TMEM117: variants seen among roughly 807,000 people sequenced by gnomAD.
The protein encoded by TMEM117 is transmembrane protein 117.
TMEM117 carries 27 observed loss-of-function variants against 52.4 expected under a neutral mutation model. That is an observed-to-expected ratio of 0.51 (90% CI 0.38 to 0.71). The LOEUF is 0.71. Ranked by LOEUF, TMEM117 falls within the 30% of genes least tolerant of loss-of-function variation. TMEM117 has a pLI of 0.00. For synonymous variants in TMEM117, 215 were observed against 206.3 expected, an observed-to-expected ratio of 1.04 and a Z score of -0.36; for missense variants, 556 against 630.5, an observed-to-expected ratio of 0.88 and a Z score of 1.26.
At chr12:44,334,882 A>G (rs538283194) in intron 6 of TMEM117, among the ~76,000 whole-genome samples, 1 of 152,072 alleles carries the variant, frequency 6.6e-6, no homozygotes, top group Non-Finnish European at 1.5e-5. Context: ...CTGAAAAAGT[A>G]TATAGAATGG....
At chr12:43,815,214 A>G in the TMEM117 span, among the ~76,000 whole-genome samples, 1 of 152,236 alleles carries the variant, frequency 6.6e-6, no homozygotes, top group Non-Finnish European at 1.5e-5. Context: ...CTCCTAGTCA[A>G]TGTTAAGTAA....
rs201035012 is a variant in TMEM117 at position 44,202,984 on chromosome 12, A to AG, written c.511-8303dup. On this transcript the variant is annotated intron_variant, in intron 4 of 7. Transcript: ENST00000266534. Reference sequence around the variant, plus strand: ...TCTTTTTCATATTTTTAGTAGAGACAGGGTTTTGGTATGTTGGCTACGCTT... The same window carrying AG: ...TCTTTTTCATATTTTTAGTAGAGACAGGGGTTTTGGTATGTTGGCTACGCTT... Among the ~76,000 whole-genome samples the AG allele has an allele frequency of 1.9e-3, 292 of 151,928 alleles. 7 individuals carry two copies. The East Asian group carries it at 0.035, about 18-fold the overall frequency.
chr12:44,124,887 G>T (rs1176008306), intron 3 of TMEM117, among the ~76,000 whole-genome samples: 1 of 152,110 alleles, frequency 6.6e-6, no homozygotes, highest in Non-Finnish European at 1.5e-5. Context: ...TCTCTGCCAG[G>T]TTTTGATATC....
At chr12:44,258,667 T>C (rs975429729) in intron 5 of TMEM117, among the ~76,000 whole-genome samples, 3 of 152,294 alleles carry the variant, frequency 2.0e-5, no homozygotes, top group Admixed American at 1.3e-4. Context: ...TGGAAAGCTT[T>C]TCACAATTCA....
intron 2 of TMEM117, among the ~76,000 whole-genome samples, chr12:43,891,750 T>C (rs1233635282): frequency 6.6e-6 from 1 of 152,144 alleles, no homozygotes. Flanking sequence ...TTTCTCCTTA[T>C]CAGGCTACCC....
the TMEM117 span, among the ~76,000 whole-genome samples, chr12:43,799,668 T>C: frequency 1.3e-5 from 2 of 152,082 alleles, no homozygotes; most frequent in African/African-American, 4.8e-5. Flanking sequence ...AATTTTAAGT[T>C]TCAAAACTTT....
At chr12:44,288,132 G>A (rs932073593) in intron 5 of TMEM117, among the ~76,000 whole-genome samples, 3 of 151,896 alleles carry the variant, frequency 2.0e-5, no homozygotes, top group Admixed American at 2.0e-4. Context: ...TTTACAAGAA[G>A]TGGCTCAGAA....
chr12:44,014,917 C>T (rs1024248372), intron 3 of TMEM117, among the ~76,000 whole-genome samples: 3 of 152,064 alleles, frequency 2.0e-5, no homozygotes, highest in African/African-American at 7.3e-5. Flanking sequence ...TTAAGGCACA[C>T]TACCTTGCAT....
At chr12:43,981,158 A>G (rs1051476401) in intron 3 of TMEM117, among the ~76,000 whole-genome samples, 1 of 151,996 alleles carries the variant, frequency 6.6e-6, no homozygotes, top group Non-Finnish European at 1.5e-5. Flanking sequence ...ACCCTGACCG[A>G]TCTCCTACAC....
chr12:43,906,689 C>T (rs1326137859), intron 2 of TMEM117, among the ~76,000 whole-genome samples: 1 of 152,220 alleles, frequency 6.6e-6, no homozygotes, highest in African/African-American at 2.4e-5. Context: ...TCAGGAAGTG[C>T]AAGGGGTCAG....
At chr12:43,821,114 G>GA in the TMEM117 span, among the ~76,000 whole-genome samples, 12 of 141,454 alleles carry the variant, frequency 8.5e-5, no homozygotes, top group East Asian at 8.2e-4. Context: ...AAAAAAAAAA[G>GA]AAAAAAAAAG....
At chr12:43,907,799 A>G (rs1944420141) in intron 2 of TMEM117, among the ~76,000 whole-genome samples, 1 of 142,922 alleles carries the variant, frequency 7.0e-6, no homozygotes, top group Non-Finnish European at 1.5e-5. Context: ...TTAGAGAAAA[A>G]AGAATAAAAA....
At chr12:44,278,570 CTCTT>C (rs1195984805) in intron 5 of TMEM117, among the ~76,000 whole-genome samples, 1 of 152,172 alleles carries the variant, frequency 6.6e-6, no homozygotes, top group African/African-American at 2.4e-5. Context: ...TGTGAGCTCT[CTCTT>C]CCCTCCGTGA....
intron 5 of TMEM117, 107 bp from the exon 6 acceptor site, chr12:44,299,473 A>G: frequency 1.4e-6 from 2 of 1,399,210 alleles, no homozygotes; most frequent in Admixed American, 2.1e-5. Flanking sequence ...ACCTTAGGGT[A>G]GGTGCTTGCC....
At chr12:44,360,702 A>G (rs1322971228) in intron 6 of TMEM117, among the ~76,000 whole-genome samples, 1 of 152,170 alleles carries the variant, frequency 6.6e-6, no homozygotes, top group Non-Finnish European at 1.5e-5. Context: ...ATGGCAATCA[A>G]TCTAAATGAT....
chr12:44,260,938 T>C (rs1950313542), intron 5 of TMEM117, among the ~76,000 whole-genome samples: 1 of 152,218 alleles, frequency 6.6e-6, no homozygotes. Flanking sequence ...TTTGTAATTG[T>C]GAGTGGCACA....
intron 4 of TMEM117, among the ~76,000 whole-genome samples, chr12:44,179,926 A>G (rs1414440380): frequency 6.6e-6 from 1 of 152,152 alleles, no homozygotes; most frequent in African/African-American, 2.4e-5. Flanking sequence ...CCATGTTGTG[A>G]TTCAGTGGTG....
intron 5 of TMEM117, among the ~76,000 whole-genome samples, chr12:44,284,324 C>T (rs1370868348): frequency 6.6e-6 from 1 of 151,744 alleles, no homozygotes; most frequent in Non-Finnish European, 1.5e-5. Flanking sequence ...AAAAAAACAA[C>T]AAAAAAAGTG....
chr12:43,866,717 A>G (rs1943606712), intron 2 of TMEM117, among the ~76,000 whole-genome samples: 1 of 152,266 alleles, frequency 6.6e-6, no homozygotes, highest in Non-Finnish European at 1.5e-5. Flanking sequence ...TCAAATATAC[A>G]GGAAAGAATG....
Sources: gnomAD v4.1 joint callset for allele counts (sites outside exome capture counted in the v4.1 genomes callset) on GRCh38, gnomAD v4.1.1 for gene constraint, MANE v1.5 for transcripts, NCBI Gene and HGNC (gene_info 2026-07-23, HGNC 2026-07-21) for gene names.